The following JAK2 variants were observed in gnomAD, a reference collection of about 807,000 sequenced individuals.
JAK2 encodes the protein Janus kinase 2, also known as tyrosine-protein kinase JAK2.
A neutral mutation model predicts 139.3 loss-of-function variants in JAK2; 86 were observed. The ratio of observed to expected loss-of-function variants is 0.62; its 90% CI spans 0.52 to 0.74. The LOEUF (loss-of-function observed/expected upper bound fraction) is 0.74. Among genes scored for constraint, JAK2 ranks in the 30% least tolerant of loss-of-function variants. The pLI is 0.00. For synonymous variants in JAK2, 490 were observed against 437.7 expected, an observed-to-expected ratio of 1.12 and a Z score of -1.49; for missense variants, 1,421 against 1,360.3, an observed-to-expected ratio of 1.04 and a Z score of -0.70.
intron 7 of JAK2, 53 bp from the exon 8 acceptor site, chr9:5,055,616 A>G (rs1817707241): frequency 7.1e-7 from 1 of 1,400,404 alleles, no homozygotes; most frequent in South Asian, 1.3e-5. Context: ...TCTTGTTTTA[A>G]AATGGCTCTG....
At chr9:5,100,253 T>C (rs1319013268) in intron 22 of JAK2, 1 of 152,184 alleles carries the variant, frequency 6.6e-6, no homozygotes, top group Non-Finnish European at 1.5e-5. Context: ...ACCAAACACA[T>C]GCTTGCCATA....
chr9:5,110,178 G>A (rs981606872), intron 22 of JAK2: 1 of 152,182 alleles, frequency 6.6e-6, no homozygotes, highest in Non-Finnish European at 1.5e-5. Context: ...CGCCATAGAA[G>A]GCCCAACCCC....
chr9:5,095,518 A>T (rs1820921382), intron 22 of JAK2, among the ~76,000 whole-genome samples: 1 of 152,128 alleles, frequency 6.6e-6, no homozygotes, highest in Non-Finnish European at 1.5e-5. Context: ...ATCCTTAATA[A>T]TAACAGCCCT....
intron 23 of JAK2, 36 bp from the exon 24 acceptor site, chr9:5,126,297 A>C: frequency 7.0e-7 from 1 of 1,429,936 alleles, no homozygotes; most frequent in Non-Finnish European, 9.7e-7. Flanking sequence ...CTACAAATTA[A>C]ATGTACAAAA....
intron 2 of JAK2, among the ~76,000 whole-genome samples, chr9:4,999,908 T>A (rs778021199): frequency 1.6e-4 from 25 of 152,234 alleles, no homozygotes; most frequent in Non-Finnish European, 3.5e-4. Context: ...AGGACAATTA[T>A]TAGATATTCT....
In JAK2 at chr9:4,985,995, AG is replaced by A. The variant is rs961590150; in HGVS notation, c.-52del. The A allele has an allele frequency of 6.5e-6, 1 of 152,730 alleles. No individual in the cohort carries two copies. The highest frequency in any genetic ancestry group is 2.4e-5 in the African/African-American group (1 of 41,454). 9.5% of individuals were successfully genotyped at this position (152,730 alleles called of 1,614,324 possible). A position where few individuals can be genotyped will look rare whatever the true frequency, so the allele number is the denominator to read the frequency against. The stretch of plus-strand genomic sequence containing the variant: ...TGAACTGTTTCTCTTCTGCAGAAAA[AG>A]AGGCTCTTCCTCCTCCTCCCGCGAC... On this transcript the variant is annotated 5_prime_UTR_variant, in exon 2 of 25. Coordinates refer to ENST00000381652, the MANE Select transcript of JAK2 (RefSeq NM_004972.4).
chr9:5,098,433 T>C (rs971848443), intron 22 of JAK2: 16 of 152,174 alleles, frequency 1.1e-4, no homozygotes, highest in Non-Finnish European at 2.1e-4. Context: ...TTATAATTAT[T>C]TTCCTAATTA....
rs763629819 is a variant in JAK2, at chr9:5,066,659, G to A, written c.1215-19G>A. 12 of 1,340,194 alleles carry A rather than the reference G, an allele frequency of 9.0e-6. No individual in the cohort carries two copies. The highest frequency in any genetic ancestry group is 1.3e-5 in the Non-Finnish European group (12 of 931,740). 83.0% of individuals were successfully genotyped at this position (1,340,194 alleles called of 1,614,324 possible). A position where few individuals can be genotyped will look rare whatever the true frequency, so the allele number is the denominator to read the frequency against. Reference sequence around the variant, plus strand: ...TGGTGCTTGATATATTATTCAAATTGCTTCTTCTTTACCTTTAGGATGGAT... The same window carrying A: ...TGGTGCTTGATATATTATTCAAATTACTTCTTCTTTACCTTTAGGATGGAT... On this transcript the variant is annotated intron_variant, in intron 9 of 24. Transcript: ENST00000381652.
At chr9:5,031,976 G>A (rs777869836) in intron 4 of JAK2, among the ~76,000 whole-genome samples, 1 of 152,266 alleles carries the variant, frequency 6.6e-6, no homozygotes, top group East Asian at 1.9e-4. Context: ...CCACACCCGG[G>A]AAGCGCAAAG....
chr9:5,016,208 G>C (rs934977702), intron 2 of JAK2, among the ~76,000 whole-genome samples: 2 of 152,180 alleles, frequency 1.3e-5, no homozygotes, highest in Admixed American at 6.5e-5. Context: ...ACATGATTTA[G>C]GAACTTCAGG....
intron 3 of JAK2, among the ~76,000 whole-genome samples, chr9:5,027,233 T>C (rs751627643): frequency 6.6e-6 from 1 of 152,202 alleles, no homozygotes; most frequent in Non-Finnish European, 1.5e-5. Context: ...TGGGTTTGGT[T>C]CCAGACTATC....
At position 5,106,042 on chromosome 9, in the gene JAK2, C is replaced by G. The variant is rs1435684934; in HGVS notation, c.3059+15131C>G. ...ATGAAAACGCCAGAAACAAAGGCAA[C>G]CAAAGCCAAAACAGACAGATGGGAT... On this transcript the variant is annotated intron_variant, in intron 22 of 24. Coordinates refer to ENST00000381652, the MANE Select transcript of JAK2 (RefSeq NM_004972.4). Among the ~76,000 whole-genome samples the G allele has an allele frequency of 3.3e-5, 5 of 152,244 alleles. No individual in the cohort carries two copies. In the East Asian group the frequency reaches 7.7e-4, roughly 24 times the overall value.
chr9:4,986,292 C>T (rs1819946310), intron 2 of JAK2, among the ~76,000 whole-genome samples: 1 of 152,156 alleles, frequency 6.6e-6, no homozygotes, highest in Admixed American at 6.6e-5. Context: ...TGTCCATTAC[C>T]CTTTCTTCTT....
In JAK2 at chr9:4,993,870, G is replaced by A. The variant is rs111839764; in HGVS notation, c.-26+7848G>A. Among the ~76,000 whole-genome samples, 317 of 152,294 alleles carry A rather than the reference G, an allele frequency of 2.1e-3. 5 individuals carry two copies. The highest frequency in any genetic ancestry group is 0.014 in the Middle Eastern group (4 of 294). Reference sequence around the variant, plus strand: ...TCCCCACGTCTGTGTGGGTTTTTCCGGGTGCTCCAATTTCCTCCCACATTC... The same window carrying A: ...TCCCCACGTCTGTGTGGGTTTTTCCAGGTGCTCCAATTTCCTCCCACATTC... On this transcript the variant is annotated intron_variant, in intron 2 of 24. Transcript: ENST00000381652.
At chr9:5,067,717 T>C (rs1269245273) in intron 10 of JAK2, among the ~76,000 whole-genome samples, 1 of 152,132 alleles carries the variant, frequency 6.6e-6, no homozygotes, top group Non-Finnish European at 1.5e-5. Flanking sequence ...CTATGTATTA[T>C]AGAGTTTATG....
At chr9:5,098,390 T>G (rs1002637018) in intron 22 of JAK2, 2 of 152,196 alleles carry the variant, frequency 1.3e-5, no homozygotes, top group Non-Finnish European at 2.9e-5. Flanking sequence ...TCCCCTATCA[T>G]AGAAGAACCG....
intron 19 of JAK2, chr9:5,085,881 G>T: frequency 2.5e-6 from 2 of 798,128 alleles, no homozygotes; most frequent in South Asian, 1.3e-5. Context: ...TTCTGTTGTT[G>T]ATATGAGCGG....
rs554881928 is a variant in JAK2 at position 5,051,933 on chromosome 9, A to T, written c.614+1102A>T. Among the ~76,000 whole-genome samples, 10 of 152,202 alleles carry T rather than the reference A, an allele frequency of 6.6e-5. No individual in the cohort carries two copies. In the South Asian group the frequency reaches 2.1e-3, roughly 32 times the overall value. On this transcript the variant is annotated intron_variant, in intron 6 of 24. Coordinates refer to ENST00000381652, the MANE Select transcript of JAK2 (RefSeq NM_004972.4). ...GTAGGCCATAGGGTATAATTTTAGGAACTCAGAAATCTAGAAGATTCCAAA... is the reference window on the plus strand; with the variant it reads ...GTAGGCCATAGGGTATAATTTTAGGTACTCAGAAATCTAGAAGATTCCAAA...
intron 4 of JAK2, among the ~76,000 whole-genome samples, chr9:5,035,502 G>A (rs1014273521): frequency 6.6e-6 from 1 of 152,100 alleles, no homozygotes; most frequent in African/African-American, 2.4e-5. Context: ...CTGGCAAACC[G>A]AATCCAGCAG....
Sources: gnomAD v4.1 joint callset for allele counts (sites outside exome capture counted in the v4.1 genomes callset) on GRCh38, gnomAD v4.1.1 for gene constraint, MANE v1.5 for transcripts, NCBI Gene and HGNC (gene_info 2026-07-23, HGNC 2026-07-21) for gene names.